Variants in LSAMP observed in about 807,000 individuals in gnomAD.
LSAMP encodes limbic system-associated membrane protein.
A neutral mutation model predicts 38.6 loss-of-function variants in LSAMP; 7 were observed. The observed-to-expected ratio is 0.18, with a 90% CI of 0.10 to 0.34. LSAMP has a LOEUF of 0.34. Ranked by LOEUF, LSAMP falls within the 10% of genes least tolerant of loss-of-function variation. LSAMP has a pLI of 1.00. For missense variants in LSAMP, 313 were observed against 420.0 expected, an observed-to-expected ratio of 0.75 and a Z score of 2.23; for synonymous variants, 154 against 166.8, an observed-to-expected ratio of 0.92 and a Z score of 0.59.
chr3:115,906,692 C>T (rs1937015372), intron 3 of LSAMP, among the ~76,000 whole-genome samples: 1 of 152,106 alleles, frequency 6.6e-6, no homozygotes, highest in Non-Finnish European at 1.5e-5. Context: ...AAATAAATTG[C>T]TATCTACAAA....
At chr3:116,381,970 T>A (rs2048564948) in intron 1 of LSAMP, among the ~76,000 whole-genome samples, 1 of 152,096 alleles carries the variant, frequency 6.6e-6, no homozygotes, top group Non-Finnish European at 1.5e-5. Context: ...GACAAAAAAA[T>A]AGTTTTTATA....
rs369014487 is a variant in LSAMP, at chr3:116,129,399, A to G, written c.156-42843T>C. Among the ~76,000 whole-genome samples the G allele has an allele frequency of 4.6e-5, 7 of 152,292 alleles. 2 individuals are homozygous for G. Among genetic ancestry groups the G allele is most frequent in the African/African-American group, 1.7e-4 (7 of 41,570 alleles). On this transcript the variant is annotated intron_variant, in intron 1 of 6. Coordinates refer to ENST00000490035, the MANE Select transcript of LSAMP (RefSeq NM_002338.5). ...TTTGCTCTGAAAATACCCACTGATA[A>G]TATACTGCCAATTTCCTACCTTGGG...
chr3:116,205,125 G>T (rs1427820479), intron 1 of LSAMP, among the ~76,000 whole-genome samples: 1 of 147,272 alleles, frequency 6.8e-6, no homozygotes, highest in Non-Finnish European at 1.5e-5. Flanking sequence ...CACATCCCTT[G>T]TAAGTTGGAT....
chr3:115,943,550 C>A (rs192061455), intron 3 of LSAMP, among the ~76,000 whole-genome samples: 22 of 152,328 alleles, frequency 1.4e-4, no homozygotes, highest in Non-Finnish European at 7.4e-5. Context: ...GACAGGCTAT[C>A]TGTTCTCAAC....
At chr3:115,854,992 G>T (rs2107526829) in intron 3 of LSAMP, among the ~76,000 whole-genome samples, 1 of 152,240 alleles carries the variant, frequency 6.6e-6, no homozygotes, top group African/African-American at 2.4e-5. Context: ...TTCTCATACT[G>T]CATATCCCCC....
intron 6 of LSAMP, among the ~76,000 whole-genome samples, chr3:115,820,087 T>C (rs1476812662): frequency 2.0e-5 from 3 of 149,648 alleles, no homozygotes; most frequent in African/African-American, 7.3e-5. Context: ...GGATTTTCTG[T>C]TGTTATAGAC....
chr3:116,092,714 T>A (rs749247341), intron 1 of LSAMP, among the ~76,000 whole-genome samples: 2 of 152,182 alleles, frequency 1.3e-5, no homozygotes, highest in East Asian at 1.9e-4. Context: ...TCTAGTAACA[T>A]TGCACAAGAG....
chr3:115,902,112 T>A (rs1936890787), intron 3 of LSAMP, among the ~76,000 whole-genome samples: 1 of 152,030 alleles, frequency 6.6e-6, no homozygotes, highest in Non-Finnish European at 1.5e-5. Context: ...AAAGCAGATG[T>A]TAGTGGATAA....
At chr3:116,111,391 G>A (rs1708612116) in intron 1 of LSAMP, among the ~76,000 whole-genome samples, 1 of 152,132 alleles carries the variant, frequency 6.6e-6, no homozygotes, top group African/African-American at 2.4e-5. Context: ...CCTAACAGAA[G>A]GTATTTCCAG....
At chr3:116,338,031 T>C (rs1347094755) in intron 1 of LSAMP, among the ~76,000 whole-genome samples, 4 of 152,078 alleles carry the variant, frequency 2.6e-5, no homozygotes, top group Non-Finnish European at 1.5e-5. Flanking sequence ...CTTCTTTTCC[T>C]CCACAACCTT....
Position 116,444,730 on chromosome 3 carries a change from C to A in LSAMP, c.155+147G>T, listed in dbSNP as rs1226180359. On this transcript the variant is annotated intron_variant, in intron 1 of 6. Coordinates refer to ENST00000490035, the MANE Select transcript of LSAMP (RefSeq NM_002338.5). Reference sequence around the variant, plus strand: ...TAAAACAGGGACACACACACACACACCACACACACACACACCACAAGCCTG... The same window carrying A: ...TAAAACAGGGACACACACACACACAACACACACACACACACCACAAGCCTG... The A allele has an allele frequency of 2.1e-5, 20 of 942,810 alleles. No individual in the cohort carries two copies. In the Admixed American group the frequency reaches 2.6e-4, roughly 12 times the overall value. The allele number at this position is 942,810 out of a possible 1,614,324, so 58.4% of individuals were successfully genotyped here. A position where few individuals can be genotyped will look rare whatever the true frequency, so the allele number is the denominator to read the frequency against.
chr3:116,355,421 A>C (rs183035138), intron 1 of LSAMP, among the ~76,000 whole-genome samples: 1 of 152,328 alleles, frequency 6.6e-6, no homozygotes, highest in East Asian at 1.9e-4. Flanking sequence ...GTCTCTCACC[A>C]TATACAAAAA....
At chr3:115,845,312 T>G (rs770370372) in intron 4 of LSAMP, among the ~76,000 whole-genome samples, 21 of 152,192 alleles carry the variant, frequency 1.4e-4, no homozygotes, top group Middle Eastern at 3.2e-3. Flanking sequence ...CTGAAGATAA[T>G]TTTGCTTATG....
At chr3:116,325,872 C>A (rs1380376908) in intron 1 of LSAMP, among the ~76,000 whole-genome samples, 1 of 152,128 alleles carries the variant, frequency 6.6e-6, no homozygotes, top group Non-Finnish European at 1.5e-5. Flanking sequence ...TTTCTCTCCA[C>A]TAGCCAAAGA....
chr3:116,434,623 G>A (rs941623066), intron 1 of LSAMP, among the ~76,000 whole-genome samples: 1 of 152,108 alleles, frequency 6.6e-6, no homozygotes, highest in South Asian at 2.1e-4. Flanking sequence ...GCGCGATCTC[G>A]GCTCACTGAA....
At chr3:116,161,783 C>A (rs1709891912) in intron 1 of LSAMP, among the ~76,000 whole-genome samples, 1 of 151,918 alleles carries the variant, frequency 6.6e-6, no homozygotes, top group South Asian at 2.1e-4. Flanking sequence ...AGTTCTTCTT[C>A]CAAAAAAAAG....
At chr3:116,034,411 T>G (rs2107708516) in intron 2 of LSAMP, among the ~76,000 whole-genome samples, 1 of 152,216 alleles carries the variant, frequency 6.6e-6, no homozygotes, top group South Asian at 2.1e-4. Context: ...CTACCCATCC[T>G]CCCTCTGCCT....
At chr3:116,353,875 T>G (rs1364142139) in intron 1 of LSAMP, among the ~76,000 whole-genome samples, 7 of 152,132 alleles carry the variant, frequency 4.6e-5, no homozygotes, top group East Asian at 1.9e-4. Context: ...AACTTAATGA[T>G]TCAATTAAAA....
At chr3:116,161,739 T>A (rs988084248) in intron 1 of LSAMP, among the ~76,000 whole-genome samples, 2 of 152,194 alleles carry the variant, frequency 1.3e-5, no homozygotes, top group East Asian at 1.9e-4. Flanking sequence ...AGCATCAATA[T>A]GTAGTATCCA....
Sources: gnomAD v4.1 joint callset for allele counts (sites outside exome capture counted in the v4.1 genomes callset) on GRCh38, gnomAD v4.1.1 for gene constraint, MANE v1.5 for transcripts, NCBI Gene and HGNC (gene_info 2026-07-23, HGNC 2026-07-21) for gene names.